The following ZNF853 variants were observed in gnomAD, a reference collection of about 807,000 sequenced individuals.
ZNF853 encodes the protein zinc finger protein 853.
In ZNF853, 57 loss-of-function variants were observed where a neutral mutation model predicts 94.7. That is an observed-to-expected ratio of 0.60 (90% confidence interval 0.49 to 0.75). The LOEUF (loss-of-function observed/expected upper bound fraction) is 0.75, where lower values mean the gene tolerates loss of function less well. ZNF853 is among the 30% of genes least tolerant of loss of function. ZNF853 has a pLI of 0.00. For synonymous variants in ZNF853, 448 were observed against 406.3 expected (o/e 1.10, Z -1.23); for missense variants, 785 against 868.9 (o/e 0.90, Z 1.21).
intron 2 of ZNF853, 69 bp downstream of exon 2, chr7:6,617,376 G>A: frequency 8.0e-7 from 1 of 1,252,102 alleles, no homozygotes; most frequent in Non-Finnish European, 1.1e-6. Flanking sequence ...AGGCTCAAGG[G>A]TGGCGGGCAG....
chr7:6,617,663 G>T, intron 2 of ZNF853: 1 of 985,286 alleles, frequency 1.0e-6, no homozygotes. Flanking sequence ...TCCGATTCAG[G>T]TACTAATAGG....
chr7:6,616,737 G>GAA, intron 1 of ZNF853, among the ~76,000 whole-genome samples: 3 of 128,008 alleles, frequency 2.3e-5, no homozygotes, highest in East Asian at 4.5e-4. Flanking sequence ...TCCGTATCAA[G>GAA]AAAAAAAAAA....
At position 6,623,089 on chromosome 7, in the gene ZNF853, G is replaced by A; in HGVS notation, c.*118G>A. ...GTCCTGGAATATCCCTGGAGTAAAAGGCTTCCACCATCATCATCATCATCA... is the reference window on the plus strand; with the variant it reads ...GTCCTGGAATATCCCTGGAGTAAAAAGCTTCCACCATCATCATCATCATCA... On this transcript the variant is annotated 3_prime_UTR_variant, in exon 3 of 3. Transcript: ENST00000457543. The A allele has an allele frequency of 1.2e-6, 1 of 846,954 alleles. No individual in the cohort carries two copies. Among genetic ancestry groups the A allele is most frequent in the Non-Finnish European group, 1.6e-6 (1 of 635,634 alleles). 52.5% of individuals were successfully genotyped at this position (846,954 alleles called of 1,614,324 possible). A position where few individuals can be genotyped will look rare whatever the true frequency, so the allele number is the denominator to read the frequency against.
In ZNF853 at chr7:6,616,076, G is replaced by A. The variant is rs1782499303; in HGVS notation, c.-99G>A. ...TGCGCCTCCTGGCTCTTTCTGGATG[G>A]AGGCGCCTCCGGAAGGAGCCGGCTG... On this transcript the variant is annotated 5_prime_UTR_variant, in exon 1 of 3. Coordinates refer to ENST00000457543, the MANE Select transcript of ZNF853 (RefSeq NM_017560.3). 1.6e-6 allele frequency: 2 copies of A among 1,266,860 alleles called. No individual in the cohort carries two copies. The highest frequency in any genetic ancestry group is 1.5e-5 in the African/African-American group (1 of 66,252). The allele number at this position is 1,266,860 out of a possible 1,614,324, so 78.5% of individuals were successfully genotyped here. A position where few individuals can be genotyped will look rare whatever the true frequency, so the allele number is the denominator to read the frequency against.
chr7:6,616,713 TGACAGAGTGAGAATCC>T, intron 1 of ZNF853, among the ~76,000 whole-genome samples: 47 of 149,838 alleles, frequency 3.1e-4, no homozygotes, highest in African/African-American at 1.2e-3. Flanking sequence ...CCAGCCTGGG[TGACAGAGTGAGAATCC>T]GTATCAAGAA....
At position 6,621,553 on chromosome 7, in the gene ZNF853, T is replaced by TTGCAGCAGCAGGAACAGC. The variant is rs1782605384; in HGVS notation, c.564_581dup (p.Glu192_Gln197dup). On this transcript the variant is annotated inframe_insertion, in exon 3 of 3. Coordinates refer to ENST00000457543, the MANE Select transcript of ZNF853 (RefSeq NM_017560.3). ...GCAGCAAGCACAAGAGCAACAGGTA[T>TTGCAGCAGCAGGAACAGC]TGCAGCAGCAGGAACAGCTACAGCA... 2 of 1,551,014 alleles carry TTGCAGCAGCAGGAACAGC rather than the reference T, an allele frequency of 1.3e-6. No individual in the cohort carries two copies. The highest frequency in any genetic ancestry group is 2.4e-5 in the South Asian group (2 of 84,024).
In ZNF853 at chr7:6,621,597, G is replaced by T. The variant is rs1280829978; in HGVS notation, c.606G>T (p.Gln202His). 1 of 1,551,444 alleles carries T rather than the reference G, an allele frequency of 6.4e-7. No homozygotes were observed. Among genetic ancestry groups the T allele is most frequent in the Admixed American group, 2.0e-5 (1 of 51,008 alleles). The change falls in exon 3 of 3, where the codon CAG becomes CAT. Residue 202 changes from glutamine (Q) to histidine (H), a missense_variant. Transcript: ENST00000457543. The stretch of plus-strand genomic sequence containing the variant: ...TACAGCAGCAAGTGCAAGAGCAACA[G>T]CTGTTACAGCAACAGCAGGAACAGT... ...EQLQQQVQEQ[Q>H]LLQQQQEQLQ... is the part of the protein sequence containing the mutation.
In ZNF853 at chr7:6,622,163, T is replaced by A; in HGVS notation, c.1172T>A (p.Val391Glu). The A allele has an allele frequency of 6.5e-7, 1 of 1,541,956 alleles. No homozygotes were observed. The highest frequency in any genetic ancestry group is 8.7e-7 in the Non-Finnish European group (1 of 1,146,254). Residue 391 changes from valine (V) to glutamate (E), a missense_variant, in exon 3 of 3, where the codon GTG (valine) becomes GAG (glutamate). Val to Glu is a moderately radical substitution (Grantham distance 121, BLOSUM62 -2). Coordinates refer to ENST00000457543, the MANE Select transcript of ZNF853 (RefSeq NM_017560.3). ...QQEVQLELTPVELGAQQQEVQ... is the reference protein window; with the variant it reads ...QQEVQLELTPEELGAQQQEVQ... ...GAGGTGCAGCTGGAGCTGACCCCGG[T>A]GGAGCTAGGCGCCCAGCAGCAGGAG...
intron 2 of ZNF853, chr7:6,617,598 A>C (rs1583427103): frequency 1.0e-6 from 1 of 985,406 alleles, no homozygotes; most frequent in Non-Finnish European, 1.2e-6. Context: ...GAGGGCCTCC[A>C]CCATCCTCCC....
chr7:6,621,893 A>T lies in ZNF853; in HGVS notation c.902A>T (p.Gln301Leu). 1.9e-6 allele frequency: 3 copies of T among 1,550,984 alleles called. No individual in the cohort carries two copies. The highest frequency in any genetic ancestry group is 2.6e-6 in the Non-Finnish European group (3 of 1,146,740). Residue 301 changes from glutamine (Q) to leucine (L), a missense_variant, in exon 3 of 3, where the codon CAA (glutamine) becomes CTA (leucine). Coordinates refer to ENST00000457543, the MANE Select transcript of ZNF853 (RefSeq NM_017560.3). ...QQQLLQQQQE[Q>L]LQQQQLQPPP... Reference sequence around the variant, plus strand: ...CAGCTGTTGCAACAGCAGCAGGAACAATTGCAGCAGCAACAACTGCAGCCT... The same window carrying T: ...CAGCTGTTGCAACAGCAGCAGGAACTATTGCAGCAGCAACAACTGCAGCCT...
Position 6,623,489 on chromosome 7 carries a change from G to C in ZNF853, c.*518G>C, listed in dbSNP as rs1166861237. ...CATCGAATCGTCCTCAGAGGCATTT[G>C]CCTTGAAAATACTTTCCAAGATGAA... On this transcript the variant is annotated 3_prime_UTR_variant, in exon 3 of 3. Coordinates refer to ENST00000457543, the MANE Select transcript of ZNF853 (RefSeq NM_017560.3). 2.5e-6 allele frequency: 1 copy of C among 397,316 alleles called. No individual in the cohort carries two copies. The highest frequency in any genetic ancestry group is 2.1e-5 in the African/African-American group (1 of 48,602). 24.6% of individuals were successfully genotyped at this position (397,316 alleles called of 1,614,324 possible).
Position 6,623,158 on chromosome 7 carries a change from C to G in ZNF853, c.*187C>G, listed in dbSNP as rs555547951. ...AAAATACCAGGTTCACAGATTTCAC[C>G]GCCAGAAAAATCCATCCGCCAAAAG... On this transcript the variant is annotated 3_prime_UTR_variant, in exon 3 of 3. Transcript: ENST00000457543. 3 of 542,542 alleles carry G rather than the reference C, an allele frequency of 5.5e-6. No individual in the cohort carries two copies. Among genetic ancestry groups the G allele is most frequent in the Non-Finnish European group, 8.4e-6 (3 of 357,854 alleles). 33.6% of individuals were successfully genotyped at this position (542,542 alleles called of 1,614,324 possible). A position where few individuals can be genotyped will look rare whatever the true frequency, so the allele number is the denominator to read the frequency against.
At position 6,621,916 on chromosome 7, in the gene ZNF853, C is replaced by A; in HGVS notation, c.925C>A (p.Pro309Thr). 3 of 1,551,112 alleles carry A rather than the reference C, an allele frequency of 1.9e-6. No individual in the cohort carries two copies. The highest frequency in any genetic ancestry group is 2.6e-6 in the Non-Finnish European group (3 of 1,146,884). Residue 309 changes from proline to threonine, a missense_variant, in exon 3 of 3, where the codon CCT becomes ACT. Coordinates refer to ENST00000457543, the MANE Select transcript of ZNF853 (RefSeq NM_017560.3). ...ACAATTGCAGCAGCAACAACTGCAG[C>A]CTCCTCCCCTGGAGCCCGAGGAGGA... is the stretch of plus-strand genomic sequence containing the variant. ...QEQLQQQQLQPPPLEPEEEEE... is the reference protein window; with the variant it reads ...QEQLQQQQLQTPPLEPEEEEE...
At chr7:6,620,979 T>G in intron 2 of ZNF853, 143 bp from the exon 3 acceptor site, 1 of 1,068,384 alleles carries the variant, frequency 9.4e-7, no homozygotes, top group Non-Finnish European at 1.3e-6. Context: ...GCTGCTATTG[T>G]TACTCGATCC....
chr7:6,616,059 C>CT lies in ZNF853; in HGVS notation c.-115dup. On this transcript the variant is annotated 5_prime_UTR_variant, in exon 1 of 3. Transcript: ENST00000457543. ...AGCCCCCGGGGTGGCCCTGCGCCTCCTGGCTCTTTCTGGATGGAGGCGCCT... is the reference window on the plus strand; with the variant it reads ...AGCCCCCGGGGTGGCCCTGCGCCTCCTTGGCTCTTTCTGGATGGAGGCGCCT... The CT allele has an allele frequency of 9.4e-7, 1 of 1,068,744 alleles. No individual in the cohort carries two copies. Among genetic ancestry groups the CT allele is most frequent in the South Asian group, 1.5e-5 (1 of 67,296 alleles). 66.2% of individuals were successfully genotyped at this position (1,068,744 alleles called of 1,614,324 possible). A position where few individuals can be genotyped will look rare whatever the true frequency, so the allele number is the denominator to read the frequency against.
rs531568646 is a variant in ZNF853, at chr7:6,622,036, G to C, written c.1045G>C (p.Glu349Gln). 1.0e-3 allele frequency: 1,555 copies of C among 1,548,224 alleles called. 25 individuals are homozygous for C. In the South Asian group the frequency reaches 0.014, roughly 14 times the overall value. Residue 349 changes from glutamate (E) to glutamine (Q), a missense_variant, in exon 3 of 3, where the codon GAA becomes CAA. Glu to Gln is a conservative substitution (Grantham distance 29, BLOSUM62 2). Coordinates refer to ENST00000457543, the MANE Select transcript of ZNF853 (RefSeq NM_017560.3). Reference sequence around the variant, plus strand: ...GGAGTTGGAGCGGCAGCAGGAGCTGGAACGGCAGCAGGAGCAGCGGCAGCT... The same window carrying C: ...GGAGTTGGAGCGGCAGCAGGAGCTGCAACGGCAGCAGGAGCAGCGGCAGCT... ...RQELERQQEL[E>Q]RQQEQRQLQL...
intron 2 of ZNF853, among the ~76,000 whole-genome samples, chr7:6,620,142 T>C: frequency 4.5e-4 from 68 of 152,148 alleles, no homozygotes; most frequent in African/African-American, 1.5e-3. Flanking sequence ...CTGCAGGAGG[T>C]TGTATACCTG....
At position 6,621,157 on chromosome 7, in the gene ZNF853, G is replaced by A. The variant is rs1203948854; in HGVS notation, c.166G>A (p.Glu56Lys). 6.1e-6 allele frequency: 9 copies of A among 1,469,164 alleles called. No individual in the cohort carries two copies. Among genetic ancestry groups the A allele is most frequent in the Non-Finnish European group, 8.1e-6 (9 of 1,109,950 alleles). The allele number at this position is 1,469,164 out of a possible 1,614,324, so 91.0% of individuals were successfully genotyped here. Residue 56 changes from glutamate (E) to lysine (K), a missense_variant, in exon 3 of 3, where the codon GAG becomes AAG. By Grantham distance (56) the Glu-to-Lys change is moderately conservative (BLOSUM62 1). Transcript: ENST00000457543. ...SGGSESQEEE[E>K]PQERNSSPQR... ...TGGGAGCGAGAGTCAGGAGGAGGAA[G>A]AGCCTCAGGAGAGGAACAGCAGTCC...
Position 6,623,667 on chromosome 7 carries a change from C to A in ZNF853, c.*696C>A. On this transcript the variant is annotated 3_prime_UTR_variant, in exon 3 of 3. Coordinates refer to ENST00000457543, the MANE Select transcript of ZNF853 (RefSeq NM_017560.3). The stretch of plus-strand genomic sequence containing the variant: ...CCCTCCAGGGAACCAGGGGCTCCGG[C>A]GGGCATCGGAGGCAGCTTCTTGGCC... 4.1e-6 allele frequency: 1 copy of A among 241,812 alleles called. No homozygotes were observed. Among genetic ancestry groups the A allele is most frequent in the Admixed American group, 5.6e-5 (1 of 17,790 alleles). 15.0% of individuals were successfully genotyped at this position (241,812 alleles called of 1,614,324 possible).
Sources: allele counts gnomAD v4.1 joint callset (sites outside exome capture counted in the v4.1 genomes callset), GRCh38; gene constraint gnomAD v4.1.1; transcripts MANE v1.5; gene names NCBI Gene and HGNC (gene_info 2026-07-23, HGNC 2026-07-21).